Variants in CSMD1 observed in about 807,000 individuals in gnomAD.
CSMD1 encodes the protein CUB and sushi domain-containing protein 1.
In CSMD1, 213 loss-of-function variants were observed where a neutral mutation model predicts 417.5. The observed-to-expected ratio is 0.51, with a 90% CI of 0.46 to 0.57. The LOEUF is 0.57. Ranked by LOEUF, CSMD1 falls within the 20% of genes least tolerant of loss-of-function variation. The probability of loss-of-function intolerance (pLI) is 0.00; values close to 1 mark genes in which losing one functional copy is unlikely to be tolerated. For missense variants in CSMD1, 6,923 were observed against 4,529.7 expected (o/e 1.53, Z -15.17); for synonymous variants, 2,862 against 1,736.8 (o/e 1.65, Z -16.11).
intron 4 of CSMD1, among the ~76,000 whole-genome samples, chr8:4,011,246 A>T (rs1466536240): frequency 6.6e-6 from 1 of 152,174 alleles, no homozygotes; most frequent in Non-Finnish European, 1.5e-5. Flanking sequence ...TTAAGCCACG[A>T]CTTTACCAGT....
At chr8:4,608,784 A>T (rs1259599655) in intron 2 of CSMD1, among the ~76,000 whole-genome samples, 1 of 152,212 alleles carries the variant, frequency 6.6e-6, no homozygotes, top group Non-Finnish European at 1.5e-5. Context: ...GAAAATACCT[A>T]GCTGAATGTG....
At chr8:4,460,612 A>G (rs541245353) in intron 2 of CSMD1, among the ~76,000 whole-genome samples, 234 of 150,410 alleles carry the variant, frequency 1.6e-3, no homozygotes, top group African/African-American at 5.5e-3. Flanking sequence ...AAAATGGGGG[A>G]AAAAAAGGTA....
chr8:4,381,806 A>G (rs1803123512), intron 3 of CSMD1, among the ~76,000 whole-genome samples: 1 of 151,852 alleles, frequency 6.6e-6, no homozygotes, highest in Non-Finnish European at 1.5e-5. Flanking sequence ...TCTGCTGATG[A>G]CTTAGTTTCA....
At chr8:3,820,710 G>A (rs150088141) in intron 5 of CSMD1, among the ~76,000 whole-genome samples, 1 of 152,170 alleles carries the variant, frequency 6.6e-6, no homozygotes, top group Non-Finnish European at 1.5e-5. Flanking sequence ...TGAGTAGCTG[G>A]GACTACAGGC....
At chr8:4,428,624 A>C (rs570965726) in intron 2 of CSMD1, among the ~76,000 whole-genome samples, 1 of 152,318 alleles carries the variant, frequency 6.6e-6, no homozygotes, top group East Asian at 1.9e-4. Flanking sequence ...TTCCTTTAGG[A>C]AACACGGAAA....
chr8:4,119,281 G>A (rs1315557094), intron 3 of CSMD1, among the ~76,000 whole-genome samples: 2 of 152,028 alleles, frequency 1.3e-5, no homozygotes, highest in South Asian at 2.1e-4. Context: ...GAAACAAATG[G>A]AAACAACCCA....
chr8:3,823,419 C>T (rs1240726941), intron 5 of CSMD1, among the ~76,000 whole-genome samples: 1 of 152,036 alleles, frequency 6.6e-6, no homozygotes, highest in Non-Finnish European at 1.5e-5. Context: ...GATGATATTT[C>T]TTATGCAAAA....
At chr8:4,856,161 A>T in intron 1 of CSMD1, among the ~76,000 whole-genome samples, 1 of 148,706 alleles carries the variant, frequency 6.7e-6, no homozygotes, top group African/African-American at 2.5e-5. Context: ...ATCCAGCCAA[A>T]CTAAGCTTCA....
At chr8:4,122,762 G>A (rs1179927904) in intron 3 of CSMD1, among the ~76,000 whole-genome samples, 1 of 152,082 alleles carries the variant, frequency 6.6e-6, no homozygotes, top group Non-Finnish European at 1.5e-5. Flanking sequence ...AAGATTTCTG[G>A]CTCTTATCAA....
At chr8:4,090,309 T>A (rs890916080) in intron 3 of CSMD1, among the ~76,000 whole-genome samples, 1 of 152,202 alleles carries the variant, frequency 6.6e-6, no homozygotes, top group Admixed American at 6.5e-5. Flanking sequence ...CTAGGTAATA[T>A]CGTTTATAAA....
At chr8:3,282,550 A>G (rs527309615) in intron 26 of CSMD1, among the ~76,000 whole-genome samples, 36 of 151,540 alleles carry the variant, frequency 2.4e-4, no homozygotes, top group African/African-American at 8.5e-4. Flanking sequence ...TATCACAACA[A>G]AAAACAAGAG....
At chr8:3,465,074 C>T (rs891166132) in intron 12 of CSMD1, among the ~76,000 whole-genome samples, 5 of 152,082 alleles carry the variant, frequency 3.3e-5, no homozygotes, top group African/African-American at 7.2e-5. Flanking sequence ...GTATAACATA[C>T]ACATGCCAAC....
intron 3 of CSMD1, among the ~76,000 whole-genome samples, chr8:4,075,559 G>C (rs774197961): frequency 6.6e-6 from 1 of 152,138 alleles, no homozygotes; most frequent in Non-Finnish European, 1.5e-5. Context: ...TATGTAACTG[G>C]TAAAATATTA....
chr8:4,171,394 G>A (rs1612266), intron 3 of CSMD1, among the ~76,000 whole-genome samples: 151,738 of 151,894 alleles, frequency 1, 75,794 homozygotes, highest in Non-Finnish European at 1. Flanking sequence ...GGTATTTATT[G>A]TGAATATTTG....
chr8:4,403,704 C>T (rs189142684), intron 3 of CSMD1, among the ~76,000 whole-genome samples: 2 of 152,092 alleles, frequency 1.3e-5, no homozygotes, highest in African/African-American at 2.4e-5. Context: ...CTTTTGACCT[C>T]TTCATGTCAC....
intron 3 of CSMD1, among the ~76,000 whole-genome samples, chr8:4,141,664 T>A (rs117121444): frequency 0.3 from 45,194 of 150,730 alleles, 8,417 homozygotes; most frequent in Non-Finnish European, 0.39. Flanking sequence ...TCCAGATCTC[T>A]AAACTTCTCC....
At position 4,563,980 on chromosome 8, in the gene CSMD1, C is replaced by A. The variant is rs1429104880; in HGVS notation, c.302+73362G>T. On this transcript the variant is annotated intron_variant, in intron 2 of 69. Transcript: ENST00000635120. ...ATATATTGTTTTAGCTGTTGAACAT[C>A]TGCAGATTCCCAGGAAAATGAGGAG... 1.3e-5 allele frequency among the ~76,000 whole-genome samples: 2 copies of A among 152,190 alleles called. 1 individual carries two copies. Among genetic ancestry groups the A allele is most frequent in the African/African-American group, 4.8e-5 (2 of 41,448 alleles).
intron 1 of CSMD1, among the ~76,000 whole-genome samples, chr8:4,672,464 G>A (rs898494635): frequency 6.6e-6 from 1 of 152,146 alleles, no homozygotes; most frequent in African/African-American, 2.4e-5. Flanking sequence ...AATGAGAAAA[G>A]AGGGAGAATA....
At chr8:4,249,562 T>C (rs915989385) in intron 3 of CSMD1, among the ~76,000 whole-genome samples, 32 of 152,256 alleles carry the variant, frequency 2.1e-4, no homozygotes, top group African/African-American at 7.5e-4. Context: ...GAGGAGCGGA[T>C]CTAACCATCT....
Sources: allele counts gnomAD v4.1 joint callset (sites outside exome capture counted in the v4.1 genomes callset), GRCh38; gene constraint gnomAD v4.1.1; transcripts MANE v1.5; gene names NCBI Gene and HGNC (gene_info 2026-07-23, HGNC 2026-07-21).